Variants in ARHGAP20 observed in about 807,000 individuals in gnomAD.
ARHGAP20 encodes the protein rho GTPase-activating protein 20.
A neutral mutation model predicts 73.7 loss-of-function variants in ARHGAP20; 34 were observed. That is an observed-to-expected ratio of 0.46 (90% CI 0.35 to 0.61). ARHGAP20 has a LOEUF of 0.61. ARHGAP20 is among the 20% of genes least tolerant of loss of function. ARHGAP20 has a pLI of 0.00. For synonymous variants in ARHGAP20, 523 were observed against 518.2 expected (o/e 1.01, Z -0.13); for missense variants, 1,314 against 1,420.9 (o/e 0.92, Z 1.21).
At chr11:110,700,346 A>G (rs1950419380) in intron 1 of ARHGAP20, among the ~76,000 whole-genome samples, 1 of 152,054 alleles carries the variant, frequency 6.6e-6, no homozygotes. Context: ...ATAGAACTCT[A>G]AATTTTCAAG....
chr11:110,618,543 T>C (rs111678906), intron 4 of ARHGAP20, among the ~76,000 whole-genome samples: 2 of 152,322 alleles, frequency 1.3e-5, no homozygotes, highest in Admixed American at 6.5e-5. Context: ...AATCAGAGTA[T>C]ATGTAGTGAT....
chr11:110,617,291 C>CT (rs1328928938), intron 4 of ARHGAP20, among the ~76,000 whole-genome samples: 261 of 145,326 alleles, frequency 1.8e-3, no homozygotes, highest in African/African-American at 6.0e-3. Context: ...TGGAGTTTCA[C>CT]TTTTTTTTTT....
intron 6 of ARHGAP20, among the ~76,000 whole-genome samples, chr11:110,612,267 T>C (rs1307155619): frequency 1.1e-4 from 16 of 140,394 alleles, no homozygotes; most frequent in Admixed American, 1.1e-3. Flanking sequence ...AAAAAAAAAA[T>C]ACAAAAAAAA....
rs955880245 is a variant in ARHGAP20 at position 110,711,966 on chromosome 11, G to A, written c.105+161C>T. 9 of 1,253,024 alleles carry A rather than the reference G, an allele frequency of 7.2e-6. No homozygotes were observed. In the African/African-American group the frequency reaches 1.4e-4, roughly 19 times the overall value. The allele number at this position is 1,253,024 out of a possible 1,614,324, so 77.6% of individuals were successfully genotyped here. The stretch of plus-strand genomic sequence containing the variant: ...CGGCGGCGCTGCCGCTGGCCGTCAA[G>A]GGCGGGAAGTGTTCTGGGACTCTCA... On this transcript the variant is annotated intron_variant, in intron 1 of 14. Transcript: ENST00000683387.
At chr11:110,640,910 A>G (rs547615858) in intron 2 of ARHGAP20, among the ~76,000 whole-genome samples, 2 of 152,230 alleles carry the variant, frequency 1.3e-5, no homozygotes, top group African/African-American at 4.8e-5. Flanking sequence ...AATGAAAAAA[A>G]TAAATAATAA....
intron 2 of ARHGAP20, among the ~76,000 whole-genome samples, chr11:110,683,558 T>C (rs938698544): frequency 6.6e-6 from 1 of 152,174 alleles, no homozygotes; most frequent in African/African-American, 2.4e-5. Context: ...AAGGTATTAT[T>C]TTATTAATAA....
chr11:110,710,184 T>C (rs1950620498), intron 1 of ARHGAP20, among the ~76,000 whole-genome samples: 1 of 152,204 alleles, frequency 6.6e-6, no homozygotes. Flanking sequence ...GTCTATTATA[T>C]GTCATTATTC....
Position 110,580,595 on chromosome 11 carries a change from C to T in ARHGAP20, c.2351G>A (p.Gly784Asp). ...TQNTKKKSLS[G>D]SEGNHVKLFP... ...AAGTTTCACGTGATTTCCTTCACTA[C>T]CAGACAAGCTTTTCTTCTTAGTGTT... The change falls in exon 15 of 15, where the codon GGT becomes GAT. Residue 784 changes from glycine to aspartate, a missense_variant. By Grantham distance (94) the Gly-to-Asp change is moderately conservative. Coordinates refer to ENST00000683387, the MANE Select transcript of ARHGAP20 (RefSeq NM_001384657.1). 1 of 1,614,230 alleles carries T rather than the reference C, an allele frequency of 6.2e-7. No homozygotes were observed. The highest frequency in any genetic ancestry group is 8.5e-7 in the Non-Finnish European group (1 of 1,180,042).
intron 2 of ARHGAP20, among the ~76,000 whole-genome samples, chr11:110,642,713 C>T (rs575030076): frequency 6.6e-6 from 1 of 152,160 alleles, no homozygotes; most frequent in African/African-American, 2.4e-5. Context: ...ATTTTTGTGT[C>T]TATGTTCCTC....
chr11:110,649,848 G>A (rs1354652182), intron 2 of ARHGAP20, among the ~76,000 whole-genome samples: 1 of 151,936 alleles, frequency 6.6e-6, no homozygotes, highest in African/African-American at 2.4e-5. Flanking sequence ...TTAAAATCTA[G>A]TTTTACTAGA....
At chr11:110,707,564 A>C (rs1950571947) in intron 1 of ARHGAP20, among the ~76,000 whole-genome samples, 1 of 152,146 alleles carries the variant, frequency 6.6e-6, no homozygotes, top group South Asian at 2.1e-4. Context: ...TGATCTAGCT[A>C]GGCAATTCTG....
At chr11:110,590,594 C>A in intron 11 of ARHGAP20, 54 bp downstream of exon 11, 1 of 1,489,448 alleles carries the variant, frequency 6.7e-7, no homozygotes, top group Non-Finnish European at 9.0e-7. Context: ...AAGTAAAACA[C>A]CCTCTTTCTC....
chr11:110,647,932 G>T (rs1000154094), intron 2 of ARHGAP20, among the ~76,000 whole-genome samples: 2 of 151,774 alleles, frequency 1.3e-5, no homozygotes, highest in Non-Finnish European at 2.9e-5. Context: ...GCAGTTTTCT[G>T]TAAATTGGTG....
intron 2 of ARHGAP20, among the ~76,000 whole-genome samples, chr11:110,633,713 T>C (rs1948905831): frequency 6.6e-6 from 1 of 152,190 alleles, no homozygotes; most frequent in Non-Finnish European, 1.5e-5. Flanking sequence ...TCGAGGAGCA[T>C]CTGCACATTT....
chr11:110,661,236 C>T (rs1949604349), intron 2 of ARHGAP20, among the ~76,000 whole-genome samples: 2 of 152,052 alleles, frequency 1.3e-5, no homozygotes, highest in South Asian at 2.1e-4. Flanking sequence ...TCCAGGTGCA[C>T]AAACATAACC....
intron 2 of ARHGAP20, among the ~76,000 whole-genome samples, chr11:110,635,417 C>A (rs1319844749): frequency 6.6e-6 from 1 of 152,118 alleles, no homozygotes; most frequent in African/African-American, 2.4e-5. Context: ...TTCTAACGCA[C>A]ATTAGATCAA....
At chr11:110,648,109 C>T (rs949932034) in intron 2 of ARHGAP20, among the ~76,000 whole-genome samples, 4 of 147,466 alleles carry the variant, frequency 2.7e-5, no homozygotes, top group Admixed American at 6.8e-5. Context: ...TGGGACCGCA[C>T]GATCTTCCTT....
chr11:110,599,116 C>T lies in ARHGAP20; in HGVS notation c.965-6961G>A, dbSNP rs80056167. Among the ~76,000 whole-genome samples the T allele has an allele frequency of 5.1e-3, 773 of 152,332 alleles. 7 individuals are homozygous for T. Among genetic ancestry groups the T allele is most frequent in the African/African-American group, 0.018 (738 of 41,578 alleles). On this transcript the variant is annotated intron_variant, in intron 9 of 14. Transcript: ENST00000683387. ...CATGGCTGCAGACCCAGGCCTCTTGCTCCATGGAACATGCAGAGCCCCATT... is the reference window on the plus strand; with the variant it reads ...CATGGCTGCAGACCCAGGCCTCTTGTTCCATGGAACATGCAGAGCCCCATT...
intron 2 of ARHGAP20, among the ~76,000 whole-genome samples, chr11:110,676,285 A>C (rs1949927045): frequency 1.3e-5 from 2 of 152,220 alleles, no homozygotes; most frequent in African/African-American, 4.8e-5. Flanking sequence ...GTATTGTTTT[A>C]GTCTGTTCTC....
Sources: gnomAD v4.1 joint callset for allele counts (sites outside exome capture counted in the v4.1 genomes callset) on GRCh38, gnomAD v4.1.1 for gene constraint, MANE v1.5 for transcripts, NCBI Gene and HGNC (gene_info 2026-07-23, HGNC 2026-07-21) for gene names.